WASF2: variants seen among roughly 807,000 people sequenced by gnomAD.
WASF2 encodes the protein WASP family member 2.
Under a neutral mutation model 45.0 loss-of-function variants are expected in WASF2, and 14 were observed. That is an observed-to-expected ratio of 0.31 (90% CI 0.21 to 0.49). WASF2 has a LOEUF of 0.49. WASF2 is among the 20% of genes least tolerant of loss of function. The pLI, the probability that WASF2 is intolerant of heterozygous loss-of-function variation, is 0.99. For missense variants in WASF2, 439 were observed against 636.1 expected (o/e 0.69, Z 3.33); for synonymous variants, 200 against 236.3 (o/e 0.85, Z 1.41).
chr1:27,406,224 G>A lies in WASF2; in HGVS notation c.*1965C>T, dbSNP rs2016672542. The A allele has an allele frequency of 6.6e-6, 1 of 152,612 alleles. No homozygotes were observed. The highest frequency in any genetic ancestry group is 1.5e-5 in the Non-Finnish European group (1 of 68,104). The allele number at this position is 152,612 out of a possible 1,614,324, so 9.5% of individuals were successfully genotyped here. A position where few individuals can be genotyped will look rare whatever the true frequency, so the allele number is the denominator to read the frequency against. On this transcript the variant is annotated 3_prime_UTR_variant, in exon 9 of 9. Coordinates refer to ENST00000618852, the MANE Select transcript of WASF2 (RefSeq NM_006990.5). ...ACCTTCGGCTTCTAAGGTGCAGGCT[G>A]GGAAACAAGGTGGGGGCCCACATAG...
intron 1 of WASF2, among the ~76,000 whole-genome samples, chr1:27,432,097 G>C (rs1367004642): frequency 6.6e-6 from 1 of 152,120 alleles, no homozygotes; most frequent in African/African-American, 2.4e-5. Flanking sequence ...TGCATGATCT[G>C]AACCACAACA....
intron 1 of WASF2, among the ~76,000 whole-genome samples, chr1:27,440,253 G>T (rs897283587): frequency 6.6e-6 from 1 of 152,182 alleles, no homozygotes; most frequent in Admixed American, 6.5e-5. Context: ...GGTGGGTATG[G>T]TGGCTCATGC....
chr1:27,482,568 T>C (rs970058785), intron 1 of WASF2, among the ~76,000 whole-genome samples: 5 of 152,244 alleles, frequency 3.3e-5, no homozygotes, highest in African/African-American at 7.2e-5. Context: ...AGTAGTTCTT[T>C]ACTCTATGTA....
chr1:27,442,729 G>A (rs1431593865), intron 1 of WASF2, among the ~76,000 whole-genome samples: 1 of 151,880 alleles, frequency 6.6e-6, no homozygotes, highest in African/African-American at 2.4e-5. Flanking sequence ...AGGGCCGGGC[G>A]TGGTGGCTCA....
chr1:27,415,494 A>C (rs572674567), intron 5 of WASF2, among the ~76,000 whole-genome samples: 2 of 152,326 alleles, frequency 1.3e-5, no homozygotes, highest in East Asian at 3.9e-4. Context: ...GGTCACATAC[A>C]TACCAGGAAG....
At chr1:27,447,377 A>G (rs1363687114) in intron 1 of WASF2, among the ~76,000 whole-genome samples, 4 of 152,172 alleles carry the variant, frequency 2.6e-5, no homozygotes, top group African/African-American at 9.7e-5. Flanking sequence ...TTTCAATGAA[A>G]TAGATTTTTC....
chr1:27,471,238 G>C (rs1312745428), intron 1 of WASF2, among the ~76,000 whole-genome samples: 1 of 150,936 alleles, frequency 6.6e-6, no homozygotes, highest in Admixed American at 6.6e-5. Flanking sequence ...CCAGCTACTT[G>C]GGAGGCTGAG....
rs1452022542 is a variant in WASF2, at chr1:27,485,280, CTATT to C, written c.-44+4702_-44+4705del. 2.6e-5 allele frequency among the ~76,000 whole-genome samples: 4 copies of C among 152,094 alleles called. No homozygotes were observed. The South Asian group carries it at 6.2e-4, about 24-fold the overall frequency. ...TGATGAGCAAAGACCCTACAAATTA[CTATT>C]TAAAGAAGAGGTGGGGGCAGGGCAT... On this transcript the variant is annotated intron_variant, in intron 1 of 8. Transcript: ENST00000618852.
At chr1:27,461,072 G>T (rs943515887) in intron 1 of WASF2, among the ~76,000 whole-genome samples, 5 of 152,090 alleles carry the variant, frequency 3.3e-5, no homozygotes, top group African/African-American at 1.2e-4. Context: ...CGTGAACCCG[G>T]GAGGCGGAGC....
At chr1:27,424,286 C>CA (rs1463850348) in intron 2 of WASF2, among the ~76,000 whole-genome samples, 5 of 152,190 alleles carry the variant, frequency 3.3e-5, no homozygotes, top group Non-Finnish European at 5.9e-5. Flanking sequence ...TTCAAGGTCC[C>CA]ATTCAAATGT....
intron 1 of WASF2, among the ~76,000 whole-genome samples, chr1:27,462,726 T>C (rs1278082139): frequency 1.3e-5 from 2 of 152,238 alleles, no homozygotes; most frequent in Admixed American, 6.5e-5. Flanking sequence ...AGATTAATAA[T>C]AGCACCTACT....
intron 1 of WASF2, among the ~76,000 whole-genome samples, chr1:27,471,954 T>C (rs1295338955): frequency 6.6e-6 from 1 of 152,216 alleles, no homozygotes; most frequent in Non-Finnish European, 1.5e-5. Context: ...CCTAGATTTC[T>C]GCAGTAGCCT....
At chr1:27,421,265 A>G (rs891228900) in intron 2 of WASF2, among the ~76,000 whole-genome samples, 1 of 152,238 alleles carries the variant, frequency 6.6e-6, no homozygotes, top group Non-Finnish European at 1.5e-5. Context: ...CTAAGTTCCT[A>G]TGAAAACCAT....
At chr1:27,445,458 C>G (rs1235234601) in intron 1 of WASF2, among the ~76,000 whole-genome samples, 1 of 152,172 alleles carries the variant, frequency 6.6e-6, no homozygotes, top group Non-Finnish European at 1.5e-5. Context: ...CATCTTTGTA[C>G]ACAAGTGCCA....
At chr1:27,479,100 C>A (rs1189610113) in intron 1 of WASF2, among the ~76,000 whole-genome samples, 4 of 151,648 alleles carry the variant, frequency 2.6e-5, no homozygotes, top group African/African-American at 9.7e-5. Context: ...CCCTAGTCAA[C>A]ATGGTGAAAC....
chr1:27,415,403 G>A (rs191730501), intron 5 of WASF2, among the ~76,000 whole-genome samples: 88 of 152,240 alleles, frequency 5.8e-4, no homozygotes, highest in Non-Finnish European at 1.0e-3. Context: ...GAATTTTTCC[G>A]CCTGTGCAGC....
At chr1:27,408,945 G>C (rs1434564650) in intron 8 of WASF2, among the ~76,000 whole-genome samples, 1 of 152,142 alleles carries the variant, frequency 6.6e-6, no homozygotes, top group Non-Finnish European at 1.5e-5. Context: ...AGTGGAGAAG[G>C]CTGGGGAGTT....
intron 1 of WASF2, among the ~76,000 whole-genome samples, chr1:27,450,420 CT>C (rs1472803587): frequency 6.6e-6 from 1 of 152,202 alleles, no homozygotes; most frequent in Non-Finnish European, 1.5e-5. Flanking sequence ...AAACCAGCTT[CT>C]TGTCTTCCTC....
In WASF2 at chr1:27,414,117, G is replaced by A. The variant is rs142095317; in HGVS notation, c.668+716C>T. On this transcript the variant is annotated intron_variant, in intron 6 of 8. Coordinates refer to ENST00000618852, the MANE Select transcript of WASF2 (RefSeq NM_006990.5). The surrounding 1 kb of genome is among the most constrained non-coding windows in gnomAD (Gnocchi z 4.1). ...GCAGTGTATTTAGAGAAAAAACCAG[G>A]GCGACATTCATGCCAAGCAGTCATG... Among the ~76,000 whole-genome samples the A allele has an allele frequency of 5.4e-3, 817 of 152,200 alleles. 6 individuals are homozygous for A. The highest frequency in any genetic ancestry group is 7.7e-3 in the Non-Finnish European group (524 of 68,010).
Sources: allele counts gnomAD v4.1 joint callset (sites outside exome capture counted in the v4.1 genomes callset), GRCh38; gene constraint gnomAD v4.1.1; non-coding constraint Gnocchi (gnomAD v3.1); transcripts MANE v1.5; gene names NCBI Gene and HGNC (gene_info 2026-07-23, HGNC 2026-07-21).